NBEA: variants seen among roughly 807,000 people sequenced by gnomAD.
NBEA encodes the protein neurobeachin, also known as lysosomal-trafficking regulator 2.
NBEA carries 44 observed loss-of-function variants against 343.4 expected under a neutral mutation model. The ratio of observed to expected loss-of-function variants is 0.13; its 90% CI spans 0.10 to 0.16. The LOEUF (loss-of-function observed/expected upper bound fraction) is 0.16. Ranked by LOEUF, NBEA falls within the 10% of genes least tolerant of loss-of-function variation. The pLI is 1.00. For missense variants in NBEA, 2,555 were observed against 3,631.3 expected, an observed-to-expected ratio of 0.70 and a Z score of 7.62; for synonymous variants, 1,175 against 1,238.7, an observed-to-expected ratio of 0.95 and a Z score of 1.08.
chr13:35,456,373 G>C (rs1166076625), intron 40 of NBEA, among the ~76,000 whole-genome samples: 2 of 151,920 alleles, frequency 1.3e-5, no homozygotes, highest in African/African-American at 4.8e-5. Context: ...TTATAATATA[G>C]AAGTATGCCA....
At chr13:35,483,317 G>C (rs1447288327) in intron 41 of NBEA, among the ~76,000 whole-genome samples, 1 of 151,860 alleles carries the variant, frequency 6.6e-6, no homozygotes, top group South Asian at 2.1e-4. Context: ...AGGCATATTT[G>C]TAATGTTTCT....
intron 41 of NBEA, among the ~76,000 whole-genome samples, chr13:35,494,380 A>C (rs868467712): frequency 4.1e-4 from 63 of 152,134 alleles, no homozygotes; most frequent in African/African-American, 1.4e-3. Flanking sequence ...GTGGGTAAGC[A>C]AATAAGATCT....
intron 1 of NBEA, among the ~76,000 whole-genome samples, chr13:34,973,745 A>T (rs1224027515): frequency 6.6e-6 from 1 of 152,156 alleles, no homozygotes. Flanking sequence ...CTGGAATTCC[A>T]AGCCAGTGGG....
Position 34,946,453 on chromosome 13 carries a change from A to T in NBEA, c.294+3339A>T, listed in dbSNP as rs1404105003. Among the ~76,000 whole-genome samples the T allele has an allele frequency of 2.6e-5, 4 of 152,110 alleles. No homozygotes were observed. The East Asian group carries it at 7.7e-4, about 29-fold the overall frequency. The stretch of plus-strand genomic sequence containing the variant: ...TATAAACATAAATTTCTAGAAAAAT[A>T]TGTTTATAATAGAGGATTAATATTT... On this transcript the variant is annotated intron_variant, in intron 1 of 58. Transcript: ENST00000379939.
intron 1 of NBEA, among the ~76,000 whole-genome samples, chr13:35,011,828 G>T (rs1161547194): frequency 2.0e-5 from 3 of 152,264 alleles, no homozygotes; most frequent in South Asian, 4.1e-4. Flanking sequence ...TATTGCAGTT[G>T]TATGATAAAG....
chr13:35,009,480 A>T (rs1406165965), intron 1 of NBEA, among the ~76,000 whole-genome samples: 4 of 152,158 alleles, frequency 2.6e-5, no homozygotes, highest in Non-Finnish European at 4.4e-5. Context: ...GGGAACAGAA[A>T]GTATAAAGAC....
At chr13:35,093,559 T>A (rs1035345352) in intron 10 of NBEA, among the ~76,000 whole-genome samples, 1 of 151,998 alleles carries the variant, frequency 6.6e-6, no homozygotes, top group Non-Finnish European at 1.5e-5. Flanking sequence ...AGCACCAAGA[T>A]AAAGGACTGG....
chr13:35,056,231 CT>C, intron 7 of NBEA, 102 bp downstream of exon 7: 1 of 1,021,718 alleles, frequency 9.8e-7, no homozygotes. Flanking sequence ...AAGCTTAAAA[CT>C]TTGAAAGTTT....
intron 36 of NBEA, among the ~76,000 whole-genome samples, chr13:35,333,750 A>G (rs1209931953): frequency 2.0e-5 from 3 of 151,972 alleles, no homozygotes; most frequent in Non-Finnish European, 2.9e-5. Flanking sequence ...TATGAGTTCA[A>G]TTGTTTTGAA....
chr13:35,327,079 T>C (rs1414700248), intron 36 of NBEA, among the ~76,000 whole-genome samples: 1 of 152,004 alleles, frequency 6.6e-6, no homozygotes. Flanking sequence ...CACAATGATA[T>C]ACCATTTCAC....
At chr13:35,551,402 A>G (rs2079317178) in intron 43 of NBEA, among the ~76,000 whole-genome samples, 1 of 152,196 alleles carries the variant, frequency 6.6e-6, no homozygotes, top group African/African-American at 2.4e-5. Flanking sequence ...TATAAATGCC[A>G]TATATAAATG....
chr13:34,998,477 C>T (rs1320110323), intron 1 of NBEA, among the ~76,000 whole-genome samples: 2 of 152,158 alleles, frequency 1.3e-5, no homozygotes, highest in African/African-American at 4.8e-5. Flanking sequence ...GAGACGGGGG[C>T]TTATTTCATC....
chr13:35,426,158 A>G (rs1022233947), intron 38 of NBEA, among the ~76,000 whole-genome samples: 6 of 152,116 alleles, frequency 3.9e-5, no homozygotes, highest in Admixed American at 2.6e-4. Context: ...TTCAAAGTTA[A>G]TATCGTTATG....
chr13:35,259,636 A>G (rs1273859638), intron 34 of NBEA, among the ~76,000 whole-genome samples: 1 of 152,148 alleles, frequency 6.6e-6, no homozygotes, highest in Non-Finnish European at 1.5e-5. Flanking sequence ...TACCCTAAAA[A>G]TAAAACATTT....
chr13:35,409,788 C>A lies in NBEA; in HGVS notation c.6180-22481C>A, dbSNP rs149846185. Among the ~76,000 whole-genome samples the A allele has an allele frequency of 1.3e-3, 202 of 151,742 alleles. 2 individuals carry two copies. Among genetic ancestry groups the A allele is most frequent in the African/African-American group, 4.6e-3 (189 of 41,454 alleles). On this transcript the variant is annotated intron_variant, in intron 38 of 58. Transcript: ENST00000379939. ...ACAAAGGGGGAAGTGTAGAGAGGGC[C>A]GCAGCTTAACAAAGTAGTAGCTCAG...
At chr13:35,546,015 G>T (rs889593311) in intron 41 of NBEA, among the ~76,000 whole-genome samples, 2 of 151,324 alleles carry the variant, frequency 1.3e-5, no homozygotes, top group Non-Finnish European at 2.9e-5. Context: ...TTCCCCATAT[G>T]TACTATTTCT....
Position 35,110,995 on chromosome 13 carries a change from C to T in NBEA, c.2002+17C>T, listed in dbSNP as rs374829107. 3.2e-6 allele frequency: 5 copies of T among 1,577,422 alleles called. No homozygotes were observed. The highest frequency in any genetic ancestry group is 2.7e-5 in the African/African-American group (2 of 74,134). ...AAGGATTAGGTATGTATACCACTTCCACTGTATTTACATTTGCCTATGATT... is the reference window on the plus strand; with the variant it reads ...AAGGATTAGGTATGTATACCACTTCTACTGTATTTACATTTGCCTATGATT... On this transcript the variant is annotated intron_variant, in intron 13 of 58. Transcript: ENST00000379939.
intron 11 of NBEA, 79 bp downstream of exon 11, chr13:35,098,484 A>G: frequency 9.8e-7 from 1 of 1,016,166 alleles, no homozygotes; most frequent in South Asian, 1.5e-5. Context: ...TTTTTCTGTA[A>G]TTTCACTTTC....
At chr13:35,435,402 C>G (rs1170573469) in intron 39 of NBEA, among the ~76,000 whole-genome samples, 3 of 152,040 alleles carry the variant, frequency 2.0e-5, no homozygotes, top group Admixed American at 6.6e-5. Flanking sequence ...ATGCTAACTT[C>G]CAGAGTTGGA....
Sources: gnomAD v4.1 joint callset for allele counts (sites outside exome capture counted in the v4.1 genomes callset) on GRCh38, gnomAD v4.1.1 for gene constraint, MANE v1.5 for transcripts, NCBI Gene and HGNC (gene_info 2026-07-23, HGNC 2026-07-21) for gene names.